Variants in ITGB5 observed in about 807,000 individuals in gnomAD.
ITGB5 encodes integrin subunit beta 5, also known as integrin beta-5.
Under a neutral mutation model 84.8 loss-of-function variants are expected in ITGB5, and 38 were observed. The ratio of observed to expected loss-of-function variants is 0.45; its 90% CI spans 0.35 to 0.59. The LOEUF (loss-of-function observed/expected upper bound fraction) is 0.59. ITGB5 is among the 20% of genes least tolerant of loss of function. The probability of loss-of-function intolerance (pLI) is 0.01; values close to 1 mark genes in which losing one functional copy is unlikely to be tolerated. For missense variants in ITGB5, 905 were observed against 1,034.5 expected, an observed-to-expected ratio of 0.87 and a Z score of 1.72; for synonymous variants, 393 against 414.4, an observed-to-expected ratio of 0.95 and a Z score of 0.63.
At chr3:124,841,298 A>G in intron 5 of ITGB5, 85 bp downstream of exon 5, 1 of 1,343,386 alleles carries the variant, frequency 7.4e-7, no homozygotes, top group Non-Finnish European at 1.0e-6. Context: ...GGGCACTCAA[A>G]GACTCCTGCA....
chr3:124,873,371 G>T, intron 2 of ITGB5, 75 bp downstream of exon 2: 1 of 945,366 alleles, frequency 1.1e-6, no homozygotes, highest in Non-Finnish European at 1.8e-6. Context: ...TTAGTGTGTT[G>T]TGGTGTTGGC....
At chr3:124,800,926 C>A (rs949534574) in intron 9 of ITGB5, among the ~76,000 whole-genome samples, 13 of 152,232 alleles carry the variant, frequency 8.5e-5, no homozygotes, top group Admixed American at 1.3e-4. Flanking sequence ...CAGCAGCCCT[C>A]CCACTCGGTC....
chr3:124,887,758 G>A (rs1418392307), upstream of ITGB5: 3 of 440,118 alleles, frequency 6.8e-6, no homozygotes, highest in Non-Finnish European at 1.4e-5. Flanking sequence ...CAGGTACGGG[G>A]GTCGTGCCGG....
At chr3:124,794,016 C>T (rs1473487748) in intron 10 of ITGB5, among the ~76,000 whole-genome samples, 2 of 152,200 alleles carry the variant, frequency 1.3e-5, no homozygotes, top group Admixed American at 6.5e-5. Flanking sequence ...TCCCATAGGA[C>T]GGAGTATCTG....
chr3:124,860,294 T>C (rs2065278138), intron 2 of ITGB5, among the ~76,000 whole-genome samples: 2 of 151,878 alleles, frequency 1.3e-5, no homozygotes, highest in African/African-American at 2.4e-5. Context: ...CAAATAATTA[T>C]GGGAATTAAG....
chr3:124,770,702 T>TCAAC (rs2063829748), intron 11 of ITGB5, among the ~76,000 whole-genome samples: 1 of 152,086 alleles, frequency 6.6e-6, no homozygotes, highest in African/African-American at 2.4e-5. Context: ...GCTTAGGAGC[T>TCAAC]CAACCATCCC....
At chr3:124,893,768 T>C (rs1274133838) in intron 1 of ITGB5, among the ~76,000 whole-genome samples, 1 of 152,196 alleles carries the variant, frequency 6.6e-6, no homozygotes, top group Non-Finnish European at 1.5e-5. Flanking sequence ...ATAGTGGTCA[T>C]TGCCAAGTGT....
chr3:124,856,813 A>G (rs3772858), intron 3 of ITGB5, among the ~76,000 whole-genome samples: 6,621 of 152,262 alleles, frequency 0.043, 326 homozygotes, highest in East Asian at 0.12. Flanking sequence ...CTGTCTTCAC[A>G]TAAGAGATTT....
chr3:124,809,126 A>G lies in ITGB5; in HGVS notation c.1159T>C (p.Trp387Arg). ...AGATTAAGATCCTCAGGCTGATCCC[A>G]GACTGACAACTCCACTTTAGACCGG... Reference protein sequence around the residue: ...SIRSKVELSVWDQPEDLNLFF... With the variant: ...SIRSKVELSVRDQPEDLNLFF... The change falls in exon 9 of 15, where the codon TGG becomes CGG. Residue 387 changes from tryptophan (W) to arginine (R), a missense_variant. Transcript: ENST00000296181. 6.2e-7 allele frequency: 1 copy of G among 1,614,148 alleles called. No individual in the cohort carries two copies. Among genetic ancestry groups the G allele is most frequent in the South Asian group, 1.1e-5 (1 of 91,078 alleles).
chr3:124,860,234 T>C (rs572799198), intron 2 of ITGB5, among the ~76,000 whole-genome samples: 1 of 152,190 alleles, frequency 6.6e-6, no homozygotes, highest in African/African-American at 2.4e-5. Flanking sequence ...CCTAAATCCT[T>C]AAACCATAAG....
intron 2 of ITGB5, among the ~76,000 whole-genome samples, chr3:124,868,618 C>CAAAAAA (rs67873873): frequency 1.0e-4 from 7 of 68,152 alleles, no homozygotes; most frequent in Non-Finnish European, 1.5e-4. Flanking sequence ...TGTTCTCTAC[C>CAAAAAA]AAAAAAAAAA....
upstream of ITGB5, chr3:124,887,724 G>T (rs372284947): frequency 6.6e-6 from 3 of 452,258 alleles, no homozygotes; most frequent in Non-Finnish European, 1.3e-5. Flanking sequence ...GCCAAAGGCG[G>T]TTGCTAGACT....
At chr3:124,841,917 T>C (rs995011957) in intron 4 of ITGB5, among the ~76,000 whole-genome samples, 2 of 152,174 alleles carry the variant, frequency 1.3e-5, no homozygotes, top group Non-Finnish European at 2.9e-5. Flanking sequence ...GGAGAGGAAG[T>C]GTCCTCTGGG....
At chr3:124,797,100 C>T (rs921103863) in intron 9 of ITGB5, among the ~76,000 whole-genome samples, 6 of 152,108 alleles carry the variant, frequency 3.9e-5, no homozygotes, top group African/African-American at 1.4e-4. Context: ...TGGGCCCCTG[C>T]GGAAAGCTAT....
chr3:124,835,630 A>G (rs1277581024), intron 5 of ITGB5, among the ~76,000 whole-genome samples: 1 of 152,224 alleles, frequency 6.6e-6, no homozygotes, highest in East Asian at 1.9e-4. Context: ...GAAGCAGAAC[A>G]TGTGGCGGGT....
At chr3:124,771,732 G>C (rs182609898) in intron 11 of ITGB5, among the ~76,000 whole-genome samples, 7 of 137,518 alleles carry the variant, frequency 5.1e-5, no homozygotes, top group African/African-American at 1.7e-4. Context: ...TGGGTGGCGG[G>C]AGTGAGACCC....
intron 10 of ITGB5, among the ~76,000 whole-genome samples, chr3:124,795,177 A>AC (rs1325678277): frequency 2.0e-5 from 3 of 152,076 alleles, no homozygotes; most frequent in Non-Finnish European, 2.9e-5. Flanking sequence ...TTATTGAGAA[A>AC]CAAGTTTCTC....
Position 124,796,591 on chromosome 3 carries a change from C to G in ITGB5, c.1490G>C (p.Arg497Thr). The G allele has an allele frequency of 6.2e-7, 1 of 1,614,182 alleles. No individual in the cohort carries two copies. Among genetic ancestry groups the G allele is most frequent in the South Asian group, 1.1e-5 (1 of 91,088 alleles). Residue 497 changes from arginine to threonine, a missense_variant, in exon 10 of 15, where the codon AGG becomes ACG. Transcript: ENST00000296181. ...CECSPGYLGT[R>T]CECQDGENQS... Reference sequence around the variant, plus strand: ...GTTCTCCCCATCCTGGCACTCGCACCTGGTGCCCAGGTAGCCGGGGCTGCA... The same window carrying G: ...GTTCTCCCCATCCTGGCACTCGCACGTGGTGCCCAGGTAGCCGGGGCTGCA...
chr3:124,770,862 T>TTCAG (rs1232207705), intron 11 of ITGB5, among the ~76,000 whole-genome samples: 10 of 152,162 alleles, frequency 6.6e-5, no homozygotes, highest in Non-Finnish European at 8.8e-5. Context: ...TGGTTCCAGC[T>TTCAG]TCAGTCATTC....
Sources: gnomAD v4.1 joint callset for allele counts (sites outside exome capture counted in the v4.1 genomes callset) on GRCh38, gnomAD v4.1.1 for gene constraint, MANE v1.5 for transcripts, NCBI Gene and HGNC (gene_info 2026-07-23, HGNC 2026-07-21) for gene names.